The following TMEM242 variants were observed in gnomAD, a reference collection of about 807,000 sequenced individuals.
The protein encoded by TMEM242 is UPF0463 transmembrane protein C6orf35.
Under a neutral mutation model 18.2 loss-of-function variants are expected in TMEM242, and 10 were observed. That is an observed-to-expected ratio of 0.55 (90% CI 0.34 to 0.93). TMEM242 has a LOEUF of 0.93. Among genes scored for constraint, TMEM242 ranks in the 40% least tolerant of loss-of-function variants. TMEM242 has a pLI of 0.02. For missense variants in TMEM242, 186 were observed against 175.5 expected (o/e 1.06, Z -0.34); for synonymous variants, 57 against 69.9 (o/e 0.81, Z 0.92).
chr6:157,306,931 A>G (rs1554247966), intron 3 of TMEM242, among the ~76,000 whole-genome samples: 2 of 152,248 alleles, frequency 1.3e-5, no homozygotes, highest in African/African-American at 4.8e-5. Context: ...ACATTAGAAA[A>G]TGATTTCTTA....
At chr6:157,312,881 C>T (rs1554249481) in intron 3 of TMEM242, among the ~76,000 whole-genome samples, 1 of 151,926 alleles carries the variant, frequency 6.6e-6, no homozygotes, top group Non-Finnish European at 1.5e-5. Context: ...TGTGCACTCA[C>T]CTAGCCTCAT....
chr6:157,300,388 C>T (rs183093721), intron 3 of TMEM242, among the ~76,000 whole-genome samples: 1 of 152,220 alleles, frequency 6.6e-6, no homozygotes, highest in Non-Finnish European at 1.5e-5. Context: ...GTATTCTCAT[C>T]GATAGTTGAC....
intron 3 of TMEM242, among the ~76,000 whole-genome samples, chr6:157,312,091 C>CAGTGTGCACTCACCTAGCCTCATCA (rs1778152892): frequency 3.5e-5 from 4 of 115,266 alleles, no homozygotes; most frequent in Non-Finnish European, 7.1e-5. Flanking sequence ...ACATAGTGCC[C>CAGTGTGCACTCACCTAGCCTCATCA]TAGTGTCCCC....
At chr6:157,307,214 A>C (rs1282989635) in intron 3 of TMEM242, among the ~76,000 whole-genome samples, 1 of 152,236 alleles carries the variant, frequency 6.6e-6, no homozygotes, top group Non-Finnish European at 1.5e-5. Flanking sequence ...GCTCAGTCTA[A>C]GAATTAAGGA....
At chr6:157,293,576 C>T (rs1554246982) in intron 3 of TMEM242, among the ~76,000 whole-genome samples, 1 of 151,710 alleles carries the variant, frequency 6.6e-6, no homozygotes, top group Non-Finnish European at 1.5e-5. Context: ...AAATGGCAGA[C>T]AGAAGAAACT....
Position 157,292,813 on chromosome 6 carries a change from G to T in TMEM242, c.*88C>A. ...CAGCAATCTGCCCATGTTCCTGGGA[G>T]AAATCAGTCCCAGTCCTTTTGCTGT... On this transcript the variant is annotated 3_prime_UTR_variant, in exon 4 of 4. Transcript: ENST00000400788. 1 of 1,039,688 alleles carries T rather than the reference G, an allele frequency of 9.6e-7. No homozygotes were observed. Among genetic ancestry groups the T allele is most frequent in the Non-Finnish European group, 1.5e-6 (1 of 678,354 alleles). The allele number at this position is 1,039,688 out of a possible 1,614,324, so 64.4% of individuals were successfully genotyped here.
intron 3 of TMEM242, 109 bp downstream of exon 3, chr6:157,318,673 C>T (rs1167720767): frequency 1.5e-6 from 2 of 1,358,588 alleles, no homozygotes; most frequent in Admixed American, 1.9e-5. Context: ...CATCATCTCC[C>T]TAGACAGTGA....
intron 2 of TMEM242, among the ~76,000 whole-genome samples, chr6:157,321,903 G>A (rs961671689): frequency 4.6e-5 from 7 of 152,100 alleles, no homozygotes; most frequent in African/African-American, 1.7e-4. Flanking sequence ...TGACCCACAA[G>A]GTCCATAGCA....
At chr6:157,312,836 G>C (rs1554249445) in intron 3 of TMEM242, among the ~76,000 whole-genome samples, 2 of 144,918 alleles carry the variant, frequency 1.4e-5, no homozygotes, top group Non-Finnish European at 3.0e-5. Context: ...TAGTGCCACA[G>C]TGTGCACTCA....
At chr6:157,322,190 G>A (rs1366151280) in intron 2 of TMEM242, among the ~76,000 whole-genome samples, 4 of 152,272 alleles carry the variant, frequency 2.6e-5, no homozygotes, top group Middle Eastern at 6.8e-3. Flanking sequence ...AAGTGCAGTG[G>A]TGTTATCTGG....
At chr6:157,310,797 C>T (rs1554248450) in intron 3 of TMEM242, among the ~76,000 whole-genome samples, 2 of 147,418 alleles carry the variant, frequency 1.4e-5, no homozygotes, top group Non-Finnish European at 3.0e-5. Context: ...CACCCGGCCT[C>T]ATCATAGGGT....
intron 3 of TMEM242, among the ~76,000 whole-genome samples, chr6:157,297,533 C>A (rs1277472967): frequency 6.6e-6 from 1 of 152,196 alleles, no homozygotes. Context: ...CCACTCTTCT[C>A]TTCCCACTTT....
intron 3 of TMEM242, among the ~76,000 whole-genome samples, chr6:157,310,511 C>T (rs1777995354): frequency 2.8e-5 from 4 of 144,382 alleles, no homozygotes; most frequent in Admixed American, 2.8e-4. Flanking sequence ...TCCCAGTGTA[C>T]ACTCACCTGG....
chr6:157,320,695 T>C (rs924967355), intron 2 of TMEM242, among the ~76,000 whole-genome samples: 1 of 152,322 alleles, frequency 6.6e-6, no homozygotes, highest in African/African-American at 2.4e-5. Context: ...GGTCTCAAAC[T>C]CCTGGCCTAA....
At chr6:157,299,467 G>GTGGATACCAAGCTTT in intron 3 of TMEM242, 2 of 1,392,570 alleles carry the variant, frequency 1.4e-6, no homozygotes, top group Non-Finnish European at 2.0e-6. Flanking sequence ...AGTTTTCAGA[G>GTGGATACCAAGCTTT]TGGATACCAA....
chr6:157,290,228 T>A lies in TMEM242; in HGVS notation c.*2673A>T, dbSNP rs1219389989. 1 of 152,198 alleles carries A rather than the reference T, an allele frequency of 6.6e-6. No individual in the cohort carries two copies. Among genetic ancestry groups the A allele is most frequent in the African/African-American group, 2.4e-5 (1 of 41,434 alleles). The allele number at this position is 152,198 out of a possible 1,614,324, so 9.4% of individuals were successfully genotyped here. ...CACTCACCCAGTGGAAGCAACAGCC[T>A]TACCGAAAGCCTCCTTAATGTTGGC... On this transcript the variant is annotated 3_prime_UTR_variant, in exon 4 of 4. Transcript: ENST00000400788.
In TMEM242 at chr6:157,290,429, T is replaced by C. The variant is rs1377394034; in HGVS notation, c.*2472A>G. The C allele has an allele frequency of 1.3e-5, 2 of 152,212 alleles. No individual in the cohort carries two copies. The highest frequency in any genetic ancestry group is 4.8e-5 in the African/African-American group (2 of 41,450). 9.4% of individuals were successfully genotyped at this position (152,212 alleles called of 1,614,324 possible). A position where few individuals can be genotyped will look rare whatever the true frequency, so the allele number is the denominator to read the frequency against. ...TTAAAACTCTTTATGCTCCAGGAGA[T>C]AAATGTGATTATGTTTGTCATACTC... On this transcript the variant is annotated 3_prime_UTR_variant, in exon 4 of 4. Transcript: ENST00000400788.
chr6:157,321,128 C>A (rs1431289461), intron 2 of TMEM242, among the ~76,000 whole-genome samples: 2 of 151,766 alleles, frequency 1.3e-5, no homozygotes, highest in African/African-American at 2.4e-5. Flanking sequence ...CCTGCCTCAG[C>A]CTCCCGAGTA....
At chr6:157,310,033 A>C (rs1319512408) in intron 3 of TMEM242, among the ~76,000 whole-genome samples, 3 of 152,116 alleles carry the variant, frequency 2.0e-5, no homozygotes, top group Non-Finnish European at 4.4e-5. Context: ...CCCCCTGATA[A>C]AGTTCTAATC....
Sources: allele counts gnomAD v4.1 joint callset (sites outside exome capture counted in the v4.1 genomes callset), GRCh38; gene constraint gnomAD v4.1.1; transcripts MANE v1.5; gene names NCBI Gene and HGNC (gene_info 2026-07-23, HGNC 2026-07-21).